The following TRAPPC9 variants were observed in gnomAD, a reference collection of about 807,000 sequenced individuals.
The protein encoded by TRAPPC9 is IKK2 binding protein.
A neutral mutation model predicts 124.0 loss-of-function variants in TRAPPC9; 83 were observed. That is an observed-to-expected ratio of 0.67 (90% CI 0.56 to 0.80). TRAPPC9 has a LOEUF of 0.80. TRAPPC9 is among the 30% of genes least tolerant of loss of function. The probability of loss-of-function intolerance (pLI) is 0.00; values close to 1 mark genes in which losing one functional copy is unlikely to be tolerated. For missense variants in TRAPPC9, 1,302 were observed against 1,508.3 expected (o/e 0.86, Z 2.27); for synonymous variants, 638 against 617.5 (o/e 1.03, Z -0.49).
chr8:140,023,651 T>C (rs1481357735), intron 18 of TRAPPC9, among the ~76,000 whole-genome samples: 2 of 152,294 alleles, frequency 1.3e-5, no homozygotes, highest in Non-Finnish European at 2.9e-5. Context: ...GCGGGAAATG[T>C]GTGTGCACAG....
At chr8:139,798,062 A>G (rs779114868) in intron 21 of TRAPPC9, among the ~76,000 whole-genome samples, 3 of 152,182 alleles carry the variant, frequency 2.0e-5, no homozygotes, top group Non-Finnish European at 4.4e-5. Flanking sequence ...TTTGACAGAG[A>G]TTGTGTTGAA....
At chr8:140,131,798 A>G (rs2061213430) in intron 17 of TRAPPC9, among the ~76,000 whole-genome samples, 1 of 152,160 alleles carries the variant, frequency 6.6e-6, no homozygotes, top group South Asian at 2.1e-4. Context: ...ATTCAGTAAC[A>G]TCTCACCGAC....
chr8:140,301,576 G>C (rs1395933160), intron 10 of TRAPPC9, among the ~76,000 whole-genome samples: 1 of 152,208 alleles, frequency 6.6e-6, no homozygotes, highest in Non-Finnish European at 1.5e-5. Context: ...GGAAGACGGT[G>C]GTTAAGATCT....
chr8:140,450,105 A>G (rs1292397521), intron 2 of TRAPPC9, among the ~76,000 whole-genome samples: 2 of 152,216 alleles, frequency 1.3e-5, no homozygotes, highest in Admixed American at 1.3e-4. Flanking sequence ...TCACACCTGT[A>G]ATCCCAGCAC....
chr8:139,768,392 C>A (rs1308069530), intron 21 of TRAPPC9, among the ~76,000 whole-genome samples: 1 of 152,200 alleles, frequency 6.6e-6, no homozygotes, highest in Non-Finnish European at 1.5e-5. Flanking sequence ...GGGCACGGGG[C>A]AGGCAGGTTT....
chr8:140,277,775 G>T (rs1399077177), intron 14 of TRAPPC9, among the ~76,000 whole-genome samples: 2 of 152,384 alleles, frequency 1.3e-5, no homozygotes, highest in Non-Finnish European at 2.9e-5. Flanking sequence ...CAGAGGCTGG[G>T]CAAGGGTCAG....
At chr8:140,272,414 A>C (rs1156575256) in intron 15 of TRAPPC9, among the ~76,000 whole-genome samples, 1 of 107,538 alleles carries the variant, frequency 9.3e-6, no homozygotes, top group Non-Finnish European at 2.3e-5. Flanking sequence ...GATAATGGTG[A>C]TGGTGATGGT....
chr8:139,982,431 A>T (rs1283943236), intron 19 of TRAPPC9, among the ~76,000 whole-genome samples: 3 of 152,124 alleles, frequency 2.0e-5, no homozygotes, highest in African/African-American at 7.2e-5. Flanking sequence ...TCCCTGTAGA[A>T]CTCCCTATGA....
chr8:140,029,017 C>T (rs1840333424), intron 17 of TRAPPC9, among the ~76,000 whole-genome samples: 1 of 152,112 alleles, frequency 6.6e-6, no homozygotes, highest in African/African-American at 2.4e-5. Context: ...AACAAATTGC[C>T]AACATCAGGA....
intron 18 of TRAPPC9, among the ~76,000 whole-genome samples, chr8:139,993,961 AAATAT>A (rs1488769953): frequency 4.6e-5 from 7 of 152,364 alleles, no homozygotes; most frequent in Middle Eastern, 3.4e-3. Context: ...ACATAAAAGC[AAATAT>A]AATATACTGA....
At chr8:140,059,113 G>T (rs1673856061) in intron 17 of TRAPPC9, among the ~76,000 whole-genome samples, 2 of 152,066 alleles carry the variant, frequency 1.3e-5, no homozygotes. Flanking sequence ...CCTTCCTCCT[G>T]CCCCTTTACA....
In TRAPPC9 at chr8:140,282,058, T is replaced by C. The variant is rs188240779; in HGVS notation, c.2114+1831A>G. On this transcript the variant is annotated intron_variant, in intron 14 of 22. Coordinates refer to ENST00000438773, the MANE Select transcript of TRAPPC9 (RefSeq NM_001160372.4). ...CAGAGACCAGGACTGTCATGATCAG[T>C]GCTACAGCCCCATCACCCAGCACAG... is the stretch of plus-strand genomic sequence containing the variant. 2.0e-3 allele frequency among the ~76,000 whole-genome samples: 301 copies of C among 152,310 alleles called. 2 individuals are homozygous for C. Among genetic ancestry groups the C allele is most frequent in the African/African-American group, 6.8e-3 (281 of 41,562 alleles).
At chr8:140,370,911 G>T (rs1588232753) in intron 8 of TRAPPC9, 53 bp downstream of exon 8, 1 of 1,597,416 alleles carries the variant, frequency 6.3e-7, no homozygotes, top group Admixed American at 1.7e-5. Flanking sequence ...GAAACAGCAT[G>T]TGACCATCAG....
chr8:140,214,305 C>A (rs561211734), intron 17 of TRAPPC9, among the ~76,000 whole-genome samples: 2 of 152,180 alleles, frequency 1.3e-5, no homozygotes, highest in Non-Finnish European at 2.9e-5. Flanking sequence ...CCAGGCTAGG[C>A]AGCACTAAGT....
chr8:140,218,875 G>A (rs1472084762), intron 17 of TRAPPC9, among the ~76,000 whole-genome samples: 6 of 151,950 alleles, frequency 3.9e-5, no homozygotes, highest in Admixed American at 1.3e-4. Flanking sequence ...CAGGAAAATC[G>A]CTTGAACCCA....
intron 7 of TRAPPC9, among the ~76,000 whole-genome samples, chr8:140,391,602 C>T (rs539407429): frequency 2.6e-5 from 4 of 151,408 alleles, no homozygotes; most frequent in Non-Finnish European, 4.4e-5. Flanking sequence ...ATCTCAGCTA[C>T]TCAGGAGGCT....
intron 21 of TRAPPC9, among the ~76,000 whole-genome samples, chr8:139,754,219 C>T (rs1237407943): frequency 6.6e-6 from 1 of 152,216 alleles, no homozygotes; most frequent in Non-Finnish European, 1.5e-5. Flanking sequence ...CCCTGCTTTC[C>T]TTCCCTGGGA....
At chr8:140,317,250 C>A (rs1395069909) in intron 9 of TRAPPC9, among the ~76,000 whole-genome samples, 2 of 151,790 alleles carry the variant, frequency 1.3e-5, no homozygotes, top group Non-Finnish European at 2.9e-5. Context: ...TTCTACTAAC[C>A]TTGGTTGAGT....
At chr8:140,314,719 T>C (rs1446285497) in intron 9 of TRAPPC9, among the ~76,000 whole-genome samples, 1 of 152,264 alleles carries the variant, frequency 6.6e-6, no homozygotes, top group Non-Finnish European at 1.5e-5. Context: ...CTGGCTTTTT[T>C]CACTTAACAT....
Sources: gnomAD v4.1 joint callset for allele counts (sites outside exome capture counted in the v4.1 genomes callset) on GRCh38, gnomAD v4.1.1 for gene constraint, MANE v1.5 for transcripts, NCBI Gene and HGNC (gene_info 2026-07-23, HGNC 2026-07-21) for gene names.